Variants in AFF2 observed in about 807,000 individuals in gnomAD.
The protein encoded by AFF2 is ALF transcription elongation factor 2.
AFF2 carries 14 observed loss-of-function variants against 76.9 expected under a neutral mutation model. The ratio of observed to expected loss-of-function variants is 0.18; its 90% CI spans 0.12 to 0.28. The LOEUF (loss-of-function observed/expected upper bound fraction) is 0.28, where lower values mean the gene tolerates loss of function less well. AFF2 is among the 10% of genes least tolerant of loss of function. The pLI is 1.00. For synonymous variants in AFF2, 398 were observed against 366.7 expected, an observed-to-expected ratio of 1.09 and a Z score of -0.98; for missense variants, 868 against 1,001.1, an observed-to-expected ratio of 0.87 and a Z score of 1.79.
intron 3 of AFF2, among the ~76,000 whole-genome samples, chrX:148,701,024 G>GAA (rs1557261829): frequency 4.0e-4 from 43 of 107,445 alleles, no homozygotes; most frequent in African/African-American, 1.4e-3. Context: ...GTGTGTGTGT[G>GAA]TGTGTGTGTG....
intron 9 of AFF2, among the ~76,000 whole-genome samples, chrX:148,944,831 CT>C (rs1466343608): frequency 9.1e-6 from 1 of 110,457 alleles, no homozygotes; most frequent in Non-Finnish European, 1.9e-5. Context: ...ATCCAGGTGC[CT>C]TTTTTTCATT....
At chrX:148,900,806 A>G (rs1188640023) in intron 8 of AFF2, among the ~76,000 whole-genome samples, 1 of 112,214 alleles carries the variant, frequency 8.9e-6, no homozygotes, top group Non-Finnish European at 1.9e-5. Context: ...TCTTCTGTGA[A>G]TAGCACTTTC....
In AFF2 at chrX:148,735,656, G is replaced by C. The variant is rs181461862; in HGVS notation, c.1041+72888G>C. On this transcript the variant is annotated intron_variant, in intron 3 of 20. Coordinates refer to ENST00000370460, the MANE Select transcript of AFF2 (RefSeq NM_002025.4). ...TCTTTAAGTTATTGGGGTACAGGTG[G>C]TATTTGGTTGCATGTGTAAGTTTTT... is the stretch of plus-strand genomic sequence containing the variant. 7.2e-5 allele frequency among the ~76,000 whole-genome samples: 8 copies of C among 110,863 alleles called. No homozygotes were observed. The East Asian group carries it at 2.0e-3, about 28-fold the overall frequency.
chrX:148,724,831 A>G (rs2055137427), intron 3 of AFF2, among the ~76,000 whole-genome samples: 1 of 112,670 alleles, frequency 8.9e-6, no homozygotes, highest in Non-Finnish European at 1.9e-5. Context: ...GTAGTGGAAT[A>G]GCAATAGGGA....
At chrX:148,576,588 C>T (rs1557243461) in intron 1 of AFF2, among the ~76,000 whole-genome samples, 2 of 111,131 alleles carry the variant, frequency 1.8e-5, no homozygotes, top group Admixed American at 9.6e-5. Context: ...GCAAGGAGAA[C>T]GGCATGGTCT....
chrX:148,929,424 A>G (rs1176972141), intron 9 of AFF2, among the ~76,000 whole-genome samples: 2 of 112,318 alleles, frequency 1.8e-5, no homozygotes, highest in Non-Finnish European at 3.8e-5. Context: ...GCCTCATTTA[A>G]TATCATTAGG....
intron 9 of AFF2, among the ~76,000 whole-genome samples, chrX:148,947,004 T>A (rs2071908139): frequency 1.8e-5 from 2 of 112,291 alleles, no homozygotes; most frequent in South Asian, 7.3e-4. Context: ...CATTACTCCA[T>A]CAACCACAGA....
At chrX:148,642,991 A>G (rs2054105267) in intron 1 of AFF2, among the ~76,000 whole-genome samples, 1 of 112,252 alleles carries the variant, frequency 8.9e-6, no homozygotes, top group Non-Finnish European at 1.9e-5. Flanking sequence ...GATCCTCCTG[A>G]AGTAAATCAA....
At chrX:148,762,687 C>T (rs960809306) in intron 3 of AFF2, among the ~76,000 whole-genome samples, 11 of 110,173 alleles carry the variant, frequency 1.0e-4, no homozygotes, top group African/African-American at 2.7e-4. Context: ...ATTCTCATTT[C>T]GTGTACCCCA....
intron 3 of AFF2, among the ~76,000 whole-genome samples, chrX:148,737,094 G>T (rs2055293798): frequency 9.0e-6 from 1 of 111,296 alleles, no homozygotes; most frequent in Non-Finnish European, 1.9e-5. Flanking sequence ...CGTTGGCTGT[G>T]CAGGCTCCTT....
chrX:148,862,723 C>G (rs1483722434), intron 7 of AFF2, among the ~76,000 whole-genome samples: 1 of 112,370 alleles, frequency 8.9e-6, no homozygotes, highest in East Asian at 2.8e-4. Context: ...ACACTTAAAG[C>G]AAATACGTTT....
chrX:148,862,177 A>C (rs1322624102), intron 7 of AFF2, among the ~76,000 whole-genome samples: 1 of 111,241 alleles, frequency 9.0e-6, no homozygotes, highest in Non-Finnish European at 1.9e-5. Flanking sequence ...TATTGCCAAG[A>C]GAGATAATAG....
chrX:148,745,814 T>C (rs2055413799), intron 3 of AFF2, among the ~76,000 whole-genome samples: 1 of 110,622 alleles, frequency 9.0e-6, no homozygotes, highest in Non-Finnish European at 1.9e-5. Context: ...GCGATCTCGG[T>C]TCACTGCAAC....
At chrX:148,580,993 T>C (rs1387101503) in intron 1 of AFF2, among the ~76,000 whole-genome samples, 1 of 56,177 alleles carries the variant, frequency 1.8e-5, no homozygotes, top group African/African-American at 6.0e-5. Context: ...CACAAATATA[T>C]ACATATATGC....
rs782135059 is a variant in AFF2 at position 148,638,604 on chromosome X, G to A, written c.48-13395G>A. On this transcript the variant is annotated intron_variant, in intron 1 of 20. Coordinates refer to ENST00000370460, the MANE Select transcript of AFF2 (RefSeq NM_002025.4). ...TTAATTGGCTCACTGTTCTGCAGGC[G>A]GTTCACACATGGCTTGGCTTCTGGG... Among the ~76,000 whole-genome samples the A allele has an allele frequency of 9.9e-5, 11 of 111,532 alleles. No individual in the cohort carries two copies. In the East Asian group the frequency reaches 1.4e-3, roughly 14 times the overall value.
chrX:148,852,804 G>A (rs1166803925), intron 7 of AFF2, among the ~76,000 whole-genome samples: 1 of 112,019 alleles, frequency 8.9e-6, no homozygotes. Flanking sequence ...AGGGCTCAGA[G>A]AGAATGCCAA....
At chrX:148,815,589 A>C (rs1383116059) in intron 4 of AFF2, among the ~76,000 whole-genome samples, 3 of 111,795 alleles carry the variant, frequency 2.7e-5, no homozygotes, top group African/African-American at 6.5e-5. Flanking sequence ...TTCCAAATGC[A>C]CTTAGAACCT....
intron 1 of AFF2, among the ~76,000 whole-genome samples, chrX:148,582,628 A>C (rs2053426597): frequency 8.9e-6 from 1 of 112,107 alleles, no homozygotes; most frequent in African/African-American, 3.2e-5. Context: ...TGGAATCTTC[A>C]TTCATTCCTG....
At position 148,998,719 on chromosome X, in the gene AFF2, C is replaced by T. The variant is rs1225691012; in HGVS notation, c.*7387C>T. On this transcript the variant is annotated 3_prime_UTR_variant, in exon 21 of 21. Transcript: ENST00000370460. The stretch of plus-strand genomic sequence containing the variant: ...TGAAAAAAACCTCTTCAAAAAATTT[C>T]CCATAGTACTTCAGTCAAGACTTTT... The T allele has an allele frequency of 9.0e-6, 1 of 111,421 alleles. No homozygotes were observed. Among genetic ancestry groups the T allele is most frequent in the Non-Finnish European group, 1.9e-5 (1 of 53,035 alleles). 9.2% of individuals were successfully genotyped at this position (111,421 alleles called of 1,213,427 possible).
Sources: allele counts gnomAD v4.1 joint callset (sites outside exome capture counted in the v4.1 genomes callset), GRCh38; gene constraint gnomAD v4.1.1; transcripts MANE v1.5; gene names NCBI Gene and HGNC (gene_info 2026-07-23, HGNC 2026-07-21).